The following STXBP5L variants were observed in gnomAD, a reference collection of about 807,000 sequenced individuals.
STXBP5L encodes the protein syntaxin binding protein 5L.
Under a neutral mutation model 144.5 loss-of-function variants are expected in STXBP5L, and 65 were observed. That is an observed-to-expected ratio of 0.45 (90% confidence interval 0.37 to 0.55). STXBP5L has a LOEUF of 0.55. STXBP5L is among the 20% of genes least tolerant of loss of function. The pLI is 0.00. For missense variants in STXBP5L, 1,298 were observed against 1,405.5 expected (o/e 0.92, Z 1.22); for synonymous variants, 505 against 469.6 (o/e 1.08, Z -0.97).
chr3:121,178,556 ACT>A (rs1290369384), intron 9 of STXBP5L, among the ~76,000 whole-genome samples: 1 of 152,072 alleles, frequency 6.6e-6, no homozygotes, highest in Non-Finnish European at 1.5e-5. Context: ...TTATATAAAA[ACT>A]CTTTTTAAAA....
At chr3:121,412,448 G>A (rs2047133873) in intron 23 of STXBP5L, among the ~76,000 whole-genome samples, 1 of 151,942 alleles carries the variant, frequency 6.6e-6, no homozygotes, top group South Asian at 2.1e-4. Flanking sequence ...TTGTAACCCA[G>A]CCACCACCAA....
intron 2 of STXBP5L, among the ~76,000 whole-genome samples, chr3:120,937,274 C>T (rs1215577128): frequency 6.6e-6 from 1 of 152,170 alleles, no homozygotes; most frequent in East Asian, 1.9e-4. Context: ...CTTTTTCCCT[C>T]CCTCTGCTGG....
intron 5 of STXBP5L, among the ~76,000 whole-genome samples, chr3:121,054,266 A>T (rs1029030116): frequency 6.6e-6 from 1 of 152,172 alleles, no homozygotes; most frequent in African/African-American, 2.4e-5. Context: ...ATTATAAATC[A>T]TGCTGCTATA....
chr3:121,052,817 C>T (rs1420847118), intron 5 of STXBP5L, among the ~76,000 whole-genome samples: 4 of 152,130 alleles, frequency 2.6e-5, no homozygotes, highest in Admixed American at 2.0e-4. Flanking sequence ...TCCCTGTTTG[C>T]AGATGACATG....
chr3:121,013,080 C>T (rs1240899302), intron 3 of STXBP5L, among the ~76,000 whole-genome samples: 1 of 151,728 alleles, frequency 6.6e-6, no homozygotes, highest in Non-Finnish European at 1.5e-5. Flanking sequence ...ACCACATTTT[C>T]TTTATCCAAT....
intron 9 of STXBP5L, among the ~76,000 whole-genome samples, chr3:121,160,434 TAAAAA>T (rs2046280210): frequency 6.6e-6 from 1 of 152,060 alleles, no homozygotes; most frequent in African/African-American, 2.4e-5. Flanking sequence ...ATAATACAAA[TAAAAA>T]GAAACAATAC....
chr3:121,096,118 T>A (rs1258273458), intron 5 of STXBP5L, among the ~76,000 whole-genome samples: 1 of 152,120 alleles, frequency 6.6e-6, no homozygotes, highest in East Asian at 1.9e-4. Context: ...TGCCCCCCAC[T>A]GTCTGACAAT....
intron 4 of STXBP5L, among the ~76,000 whole-genome samples, chr3:121,042,646 C>A (rs1395232017): frequency 6.6e-6 from 1 of 152,072 alleles, no homozygotes; most frequent in African/African-American, 2.4e-5. Context: ...TTCCTAAGAA[C>A]TTACAATTAT....
chr3:121,240,396 C>T (rs1196233146), intron 13 of STXBP5L, 44 bp from the exon 14 acceptor site: 1 of 1,525,044 alleles, frequency 6.6e-7, no homozygotes, highest in Non-Finnish European at 9.0e-7. Flanking sequence ...AATTTCTAAG[C>T]CATTTAAACA....
At chr3:121,305,618 T>G (rs895054623) in intron 19 of STXBP5L, among the ~76,000 whole-genome samples, 7 of 152,126 alleles carry the variant, frequency 4.6e-5, no homozygotes, top group African/African-American at 9.6e-5. Context: ...ATAAAAATCC[T>G]TAACAAAACA....
Position 121,418,512 on chromosome 3 carries a change from A to C in STXBP5L, c.3402A>C (p.Ala1134=). 3 of 1,614,096 alleles carry C rather than the reference A, an allele frequency of 1.9e-6. No homozygotes were observed. The highest frequency in any genetic ancestry group is 2.5e-6 in the Non-Finnish European group (3 of 1,179,988). The change falls in exon 26 of 27, where the codon GCA becomes GCC. Residue 1134 remains alanine (A), a synonymous_variant. Coordinates refer to ENST00000471454, the MANE Select transcript of STXBP5L (RefSeq NM_001308330.2). The stretch of plus-strand genomic sequence containing the variant: ...TAGGAGAGCTGGAAGAGAAAACTGC[A>C]GGCATGATGACCAGTGCAGAAGCAT... ...QRLGELEEKT[A]GMMTSAEAFS...
At chr3:121,141,982 AAAT>A (rs2045528303) in intron 7 of STXBP5L, among the ~76,000 whole-genome samples, 1 of 152,112 alleles carries the variant, frequency 6.6e-6, no homozygotes, top group African/African-American at 2.4e-5. Context: ...GAAAAATAAA[AAAT>A]AAAAAACAAG....
intron 3 of STXBP5L, among the ~76,000 whole-genome samples, chr3:121,018,647 GA>G (rs1357122041): frequency 1.3e-5 from 2 of 151,158 alleles, no homozygotes; most frequent in African/African-American, 4.9e-5. Flanking sequence ...GATAACAGAA[GA>G]AAACCTAGGT....
At chr3:121,304,090 A>C (rs1472871370) in intron 19 of STXBP5L, among the ~76,000 whole-genome samples, 1 of 152,158 alleles carries the variant, frequency 6.6e-6, no homozygotes, top group African/African-American at 2.4e-5. Context: ...ACTATCCCCA[A>C]AAAAGCTGAT....
chr3:121,050,371 A>T (rs1471961603), intron 5 of STXBP5L, among the ~76,000 whole-genome samples: 1 of 152,186 alleles, frequency 6.6e-6, no homozygotes, highest in East Asian at 1.9e-4. Context: ...AATTTCAAGG[A>T]TATCAAAAAA....
At chr3:121,139,326 TA>T (rs2045396005) in intron 7 of STXBP5L, among the ~76,000 whole-genome samples, 1 of 152,080 alleles carries the variant, frequency 6.6e-6, no homozygotes, top group South Asian at 2.1e-4. Flanking sequence ...TGTTCAAATG[TA>T]AAAAAGCACT....
At chr3:121,187,145 C>T (rs2047418418) in intron 9 of STXBP5L, among the ~76,000 whole-genome samples, 2 of 152,068 alleles carry the variant, frequency 1.3e-5, no homozygotes, top group Admixed American at 1.3e-4. Flanking sequence ...TTCACAATAG[C>T]AAAGACTTGG....
intron 11 of STXBP5L, among the ~76,000 whole-genome samples, chr3:121,227,833 A>C (rs999382529): frequency 6.6e-6 from 1 of 152,156 alleles, no homozygotes; most frequent in Non-Finnish European, 1.5e-5. Flanking sequence ...CTTTTTAATA[A>C]AGCCACAAAT....
At chr3:120,943,302 T>G (rs1179182013) in intron 2 of STXBP5L, among the ~76,000 whole-genome samples, 1 of 151,736 alleles carries the variant, frequency 6.6e-6, no homozygotes, top group Non-Finnish European at 1.5e-5. Flanking sequence ...GTAAGACTCC[T>G]TTTTAGAGAC....
Sources: allele counts gnomAD v4.1 joint callset (sites outside exome capture counted in the v4.1 genomes callset), GRCh38; gene constraint gnomAD v4.1.1; transcripts MANE v1.5; gene names NCBI Gene and HGNC (gene_info 2026-07-23, HGNC 2026-07-21).